EIF4A3: variants seen among roughly 807,000 people sequenced by gnomAD.
EIF4A3 encodes the protein eukaryotic initiation factor 4A-III.
EIF4A3 carries 1 observed loss-of-function variant against 55.6 expected under a neutral mutation model. The ratio of observed to expected loss-of-function variants is 0.02; its 90% CI spans 0.01 to 0.09. EIF4A3 has a LOEUF of 0.09. EIF4A3 is among the 10% of genes least tolerant of loss of function. The pLI is 1.00. For missense variants in EIF4A3, 221 were observed against 540.7 expected, an observed-to-expected ratio of 0.41 and a Z score of 5.86; for synonymous variants, 194 against 196.3, an observed-to-expected ratio of 0.99 and a Z score of 0.10.
intron 3 of EIF4A3, 171 bp from the exon 4 acceptor site, chr17:80,141,552 A>AG (rs1285848454): frequency 3.0e-5 from 23 of 774,848 alleles, no homozygotes; most frequent in Non-Finnish European, 4.3e-5. Context: ...CAATAACTTA[A>AG]TGTGTCAGCA....
intron 4 of EIF4A3, among the ~76,000 whole-genome samples, 195 bp downstream of exon 4, chr17:80,141,124 G>A (rs575528958): frequency 3.0e-4 from 45 of 152,014 alleles, no homozygotes; most frequent in Admixed American, 2.7e-3. Context: ...ACTACCGAGA[G>A]CACACAAGCC....
chr17:80,145,862 A>G (rs2039654653), intron 1 of EIF4A3, among the ~76,000 whole-genome samples: 1 of 152,020 alleles, frequency 6.6e-6, no homozygotes, highest in South Asian at 2.1e-4. Context: ...CCATCAGCCA[A>G]TGCTGTCAGC....
intron 4 of EIF4A3, 83 bp downstream of exon 4, chr17:80,141,236 T>A: frequency 1.4e-6 from 2 of 1,412,752 alleles, no homozygotes; most frequent in South Asian, 1.3e-5. Context: ...CAGGATTGGA[T>A]TAAATAAATA....
At position 80,135,224 on chromosome 17, in the gene EIF4A3, G is replaced by C. The variant is rs1394620521; in HGVS notation, c.*266C>G. 1 of 385,572 alleles carries C rather than the reference G, an allele frequency of 2.6e-6. No individual in the cohort carries two copies. The highest frequency in any genetic ancestry group is 8.4e-5 in the South Asian group (1 of 11,942). The allele number at this position is 385,572 out of a possible 1,614,324, so 23.9% of individuals were successfully genotyped here. A position where few individuals can be genotyped will look rare whatever the true frequency, so the allele number is the denominator to read the frequency against. ...CCCAAGACTACACAGTAAGTTACTA[G>C]AGAAGGTGGTGGCACCTTAGAAGTA... On this transcript the variant is annotated 3_prime_UTR_variant, in exon 12 of 12. Coordinates refer to ENST00000649764, the MANE Select transcript of EIF4A3 (RefSeq NM_014740.4).
chr17:80,135,176 A>G lies in EIF4A3; in HGVS notation c.*314T>C. 3.5e-6 allele frequency: 1 copy of G among 289,854 alleles called. No individual in the cohort carries two copies. The allele number at this position is 289,854 out of a possible 1,614,324, so 18.0% of individuals were successfully genotyped here. ...AAAAAAAAAAAGAAAAAGAAAAGAA[A>G]AAAAGAAAAGTGAGTGAAATGACCC... is the stretch of plus-strand genomic sequence containing the variant. On this transcript the variant is annotated 3_prime_UTR_variant, in exon 12 of 12. Transcript: ENST00000649764.
chr17:80,140,301 A>G (rs1336355886), intron 4 of EIF4A3, 161 bp from the exon 5 acceptor site: 1 of 970,170 alleles, frequency 1.0e-6, no homozygotes, highest in African/African-American at 1.7e-5. Context: ...TGACAAAAAC[A>G]AGTTAATTTT....
At position 80,141,393 on chromosome 17, in the gene EIF4A3, A is replaced by G. The variant is rs937391729; in HGVS notation, c.310-12T>C. ...TGAGTTTCACGAACCTGGTGAAATA[A>G]TTTATCAGAAAATAGAGAATCCGCA... On this transcript the variant is annotated splice_polypyrimidine_tract_variant and intron_variant, in intron 3 of 11. Coordinates refer to ENST00000649764, the MANE Select transcript of EIF4A3 (RefSeq NM_014740.4). 6.2e-7 allele frequency: 1 copy of G among 1,613,156 alleles called. No individual in the cohort carries two copies. The highest frequency in any genetic ancestry group is 8.5e-7 in the Non-Finnish European group (1 of 1,179,194).
In EIF4A3 at chr17:80,139,148, T is replaced by C; in HGVS notation, c.601A>G (p.Ile201Val). Residue 201 changes from isoleucine to valine, a missense_variant, in exon 7 of 12, where the codon ATT becomes GTT. By Grantham distance (29) the Ile-to-Val change is conservative. Transcript: ENST00000649764. ...EMLNKGFKEQ[I>V]YDVYRYLPPA... ...GGCAGGTACCTGTATACATCGTAAATCTGCTCTTTGAAACCTGGGACAGGG... is the reference window on the plus strand; with the variant it reads ...GGCAGGTACCTGTATACATCGTAAACCTGCTCTTTGAAACCTGGGACAGGG... 6.2e-7 allele frequency: 1 copy of C among 1,614,008 alleles called. No homozygotes were observed. Among genetic ancestry groups the C allele is most frequent in the Non-Finnish European group, 8.5e-7 (1 of 1,179,988 alleles).
rs879795794 is a variant in EIF4A3, at chr17:80,134,385, A to T, written c.*1105T>A. On this transcript the variant is annotated 3_prime_UTR_variant, in exon 12 of 12. Coordinates refer to ENST00000649764, the MANE Select transcript of EIF4A3 (RefSeq NM_014740.4). ...CTTTAAATATTTCAACAGATAACTT[A>T]AATACTTTAATAATTTAAATATTTA... Among the ~76,000 whole-genome samples the T allele has an allele frequency of 2.0e-5, 3 of 152,086 alleles. No homozygotes were observed. The highest frequency in any genetic ancestry group is 2.9e-5 in the Non-Finnish European group (2 of 68,036).
chr17:80,146,397 G>A (rs1209340282), intron 1 of EIF4A3, among the ~76,000 whole-genome samples: 1 of 152,150 alleles, frequency 6.6e-6, no homozygotes, highest in South Asian at 2.1e-4. Flanking sequence ...TGGGCAACCT[G>A]ACAGTATGCT....
At chr17:80,140,312 GCTTT>G in intron 4 of EIF4A3, 172 bp from the exon 5 acceptor site, 1 of 747,706 alleles carries the variant, frequency 1.3e-6, no homozygotes, top group South Asian at 3.7e-5. Context: ...AGTTAATTTT[GCTTT>G]TTTTTTTTTT....
chr17:80,138,363 C>A (rs1598604155), intron 7 of EIF4A3, 83 bp from the exon 8 acceptor site: 6 of 1,553,228 alleles, frequency 3.9e-6, no homozygotes, highest in African/African-American at 1.4e-5. Flanking sequence ...TCCAGGGAGA[C>A]CCTGGTGGAA....
rs1452208054 is a variant in EIF4A3 at position 80,139,348 on chromosome 17, G to A, written c.587-186C>T. 1.0e-4 allele frequency: 77 copies of A among 752,054 alleles called. No homozygotes were observed. In the East Asian group the frequency reaches 1.8e-3, roughly 18 times the overall value. The allele number at this position is 752,054 out of a possible 1,614,324, so 46.6% of individuals were successfully genotyped here. A position where few individuals can be genotyped will look rare whatever the true frequency, so the allele number is the denominator to read the frequency against. ...TCTCCGTCCCTACTCCCCGCCCACC[G>A]GAGTGTTATCTGGTTGAGGGAATCT... On this transcript the variant is annotated intron_variant, in intron 6 of 11. Coordinates refer to ENST00000649764, the MANE Select transcript of EIF4A3 (RefSeq NM_014740.4).
Position 80,140,078 on chromosome 17 carries a change from A to G in EIF4A3, c.435T>C (p.Asn145=). The change falls in exon 5 of 12, where the codon AAT becomes AAC. Residue 145 remains asparagine (N), a synonymous_variant. Coordinates refer to ENST00000649764, the MANE Select transcript of EIF4A3 (RefSeq NM_014740.4). ...CCAGCTTCCTGATGTCCTCGCCAACATTGGTGCCTCCAATGCAGGCATGGC... is the reference window on the plus strand; with the variant it reads ...CCAGCTTCCTGATGTCCTCGCCAACGTTGGTGCCTCCAATGCAGGCATGGC... The part of the protein sequence containing the change: ...VQCHACIGGT[N]VGEDIRKLDY... 2 of 1,614,040 alleles carry G rather than the reference A, an allele frequency of 1.2e-6. No homozygotes were observed. The highest frequency in any genetic ancestry group is 1.7e-6 in the Non-Finnish European group (2 of 1,179,990).
intron 5 of EIF4A3, 29 bp from the exon 6 acceptor site, chr17:80,139,779 G>A (rs375455528): frequency 1.4e-5 from 23 of 1,597,504 alleles, no homozygotes; most frequent in Middle Eastern, 1.7e-4. Flanking sequence ...AAATACTTAC[G>A]ACAAATCACA....
chr17:80,138,860 C>T (rs774254909), intron 7 of EIF4A3, 161 bp downstream of exon 7: 199 of 943,982 alleles, frequency 2.1e-4, no homozygotes, highest in Non-Finnish European at 3.0e-4. Flanking sequence ...GCTTTCAATT[C>T]CTTTACACTC....
chr17:80,135,650 C>T, intron 11 of EIF4A3, 144 bp from the exon 12 acceptor site: 1 of 723,768 alleles, frequency 1.4e-6, no homozygotes, highest in Non-Finnish European at 2.3e-6. Flanking sequence ...AATCCCAGCA[C>T]TTTGGGAGGC....
intron 2 of EIF4A3, among the ~76,000 whole-genome samples, chr17:80,142,547 C>T (rs2039626742): frequency 6.6e-6 from 1 of 152,154 alleles, no homozygotes; most frequent in Admixed American, 6.5e-5. Flanking sequence ...AATTCGAGAC[C>T]AGCCTGGGCA....
In EIF4A3 at chr17:80,138,515, C is replaced by G. The variant is rs891168722; in HGVS notation, c.729-235G>C. On this transcript the variant is annotated intron_variant, in intron 7 of 11. Coordinates refer to ENST00000649764, the MANE Select transcript of EIF4A3 (RefSeq NM_014740.4). ...GCACCACATGGAATACGATTCTAAA[C>G]GAAACACTGATAAATAAATAGTCAC... 5 of 485,822 alleles carry G rather than the reference C, an allele frequency of 1.0e-5. No individual in the cohort carries two copies. In the African/African-American group the frequency reaches 1.1e-4, roughly 11 times the overall value. The allele number at this position is 485,822 out of a possible 1,614,324, so 30.1% of individuals were successfully genotyped here. A position where few individuals can be genotyped will look rare whatever the true frequency, so the allele number is the denominator to read the frequency against.
Sources: allele counts gnomAD v4.1 joint callset (sites outside exome capture counted in the v4.1 genomes callset), GRCh38; gene constraint gnomAD v4.1.1; transcripts MANE v1.5; gene names NCBI Gene and HGNC (gene_info 2026-07-23, HGNC 2026-07-21).